IL21R: variants seen among roughly 807,000 people sequenced by gnomAD.
IL21R encodes the protein interleukin-21 receptor.
Under a neutral mutation model 41.3 loss-of-function variants are expected in IL21R, and 14 were observed. The ratio of observed to expected loss-of-function variants is 0.34; its 90% CI spans 0.22 to 0.53. The LOEUF is 0.53. Among genes scored for constraint, IL21R ranks in the 20% least tolerant of loss-of-function variants. The pLI, the probability that IL21R is intolerant of heterozygous loss-of-function variation, is 0.94. For missense variants in IL21R, 588 were observed against 681.6 expected (o/e 0.86, Z 1.53); for synonymous variants, 286 against 287.6 (o/e 0.99, Z 0.05).
chr16:27,424,289 G>T (rs1006302772), intron 1 of IL21R, among the ~76,000 whole-genome samples: 1 of 152,078 alleles, frequency 6.6e-6, no homozygotes, highest in Non-Finnish European at 1.5e-5. Flanking sequence ...GGCCAGGCTG[G>T]TCTCGAACTC....
At chr16:27,405,968 T>C (rs1230213823) in intron 1 of IL21R, among the ~76,000 whole-genome samples, 1 of 152,084 alleles carries the variant, frequency 6.6e-6, no homozygotes, top group Non-Finnish European at 1.5e-5. Context: ...CCCCGGGGAG[T>C]TGGGGCAAGT....
intron 2 of IL21R, among the ~76,000 whole-genome samples, chr16:27,433,062 T>C (rs1441972245): frequency 1.3e-5 from 2 of 152,126 alleles, no homozygotes; most frequent in African/African-American, 2.4e-5. Context: ...GCTCCGCATA[T>C]AGGTTCTGTC....
chr16:27,413,576 CT>C (rs35600189), intron 1 of IL21R, among the ~76,000 whole-genome samples: 8,408 of 140,008 alleles, frequency 0.06, 337 homozygotes, highest in African/African-American at 0.12. Flanking sequence ...TGGTCTTGGC[CT>C]TTTTTTTTTT....
chr16:27,431,690 A>T (rs1478039400), intron 2 of IL21R, among the ~76,000 whole-genome samples: 1 of 151,540 alleles, frequency 6.6e-6, no homozygotes, highest in Non-Finnish European at 1.5e-5. Flanking sequence ...TTGCTTTCTC[A>T]CACAGGCTGG....
At chr16:27,418,309 C>T (rs1174506209) in intron 1 of IL21R, among the ~76,000 whole-genome samples, 1 of 151,882 alleles carries the variant, frequency 6.6e-6, no homozygotes, top group Non-Finnish European at 1.5e-5. Context: ...ACCTTGTGAT[C>T]TGCCCGTCTC....
intron 1 of IL21R, among the ~76,000 whole-genome samples, chr16:27,403,780 C>T (rs1421677434): frequency 6.6e-6 from 1 of 152,190 alleles, no homozygotes; most frequent in Non-Finnish European, 1.5e-5. Flanking sequence ...GGGAGCGACA[C>T]ACTCAGGCTG....
chr16:27,442,117 G>A (rs564206739), intron 4 of IL21R, among the ~76,000 whole-genome samples: 26 of 152,304 alleles, frequency 1.7e-4, no homozygotes, highest in African/African-American at 5.3e-4. Flanking sequence ...TAGAAAGCAG[G>A]GTTTCAGATT....
chr16:27,407,474 CA>C (rs1158784080), intron 1 of IL21R, among the ~76,000 whole-genome samples: 4 of 152,108 alleles, frequency 2.6e-5, no homozygotes, highest in Admixed American at 6.5e-5. Flanking sequence ...GCATTCTAGG[CA>C]GAGGGAAAGG....
At chr16:27,416,642 A>G (rs969422308) in intron 1 of IL21R, among the ~76,000 whole-genome samples, 4 of 152,230 alleles carry the variant, frequency 2.6e-5, no homozygotes, top group African/African-American at 9.6e-5. Context: ...TCTGTATTTC[A>G]GATGTAATTC....
In IL21R at chr16:27,449,747, G is replaced by A. The variant is rs3093387; in HGVS notation, c.*464G>A. ...GGGCATTGCCTGTGACTGAGGCGGA[G>A]CCCAGCCCTCCAGCGTCTGCCTCCA... On this transcript the variant is annotated 3_prime_UTR_variant, in exon 9 of 9. Coordinates refer to ENST00000337929, the MANE Select transcript of IL21R (RefSeq NM_181078.3). The A allele has an allele frequency of 0.17, 40,009 of 241,522 alleles. 4,191 individuals carry two copies. The highest frequency in any genetic ancestry group is 0.24 in the Middle Eastern group (191 of 796). The allele number at this position is 241,522 out of a possible 1,614,324, so 15.0% of individuals were successfully genotyped here.
intron 1 of IL21R, among the ~76,000 whole-genome samples, chr16:27,426,622 C>T (rs745601462): frequency 2.8e-4 from 43 of 152,238 alleles, no homozygotes; most frequent in Admixed American, 6.5e-4. Context: ...GCAGGAAACC[C>T]GTGCACTGGT....
In IL21R at chr16:27,405,864, C is replaced by T. The variant is rs549559452; in HGVS notation, c.-17+3246C>T. 3.3e-5 allele frequency among the ~76,000 whole-genome samples: 5 copies of T among 152,378 alleles called. No homozygotes were observed. The East Asian group carries it at 5.8e-4, about 18-fold the overall frequency. ...GGGCAGGGGCCACAAGGAGGGCCCCCGACTGCCCAGGACATCTGCATCAGG... is the reference window on the plus strand; with the variant it reads ...GGGCAGGGGCCACAAGGAGGGCCCCTGACTGCCCAGGACATCTGCATCAGG... On this transcript the variant is annotated intron_variant, in intron 1 of 8. Transcript: ENST00000337929.
chr16:27,444,810 T>C (rs1233668638), intron 6 of IL21R, 91 bp downstream of exon 6: 2 of 1,201,230 alleles, frequency 1.7e-6, no homozygotes, highest in Non-Finnish European at 2.3e-6. Context: ...CTGGCACAGC[T>C]GGGAGGTATT....
At chr16:27,425,549 G>T (rs12164966) in intron 1 of IL21R, among the ~76,000 whole-genome samples, 53,430 of 150,068 alleles carry the variant, frequency 0.36, 9,831 homozygotes, top group East Asian at 0.53. Context: ...CTTTTTTTGT[G>T]TTTTGTTTTG....
At chr16:27,430,585 G>A (rs753688671) in intron 2 of IL21R, among the ~76,000 whole-genome samples, 2 of 152,212 alleles carry the variant, frequency 1.3e-5, no homozygotes, top group Non-Finnish European at 2.9e-5. Context: ...GGAGGCTGAG[G>A]AGGGTAGGTC....
At chr16:27,438,418 C>T (rs971091084) in intron 4 of IL21R, among the ~76,000 whole-genome samples, 1 of 152,096 alleles carries the variant, frequency 6.6e-6, no homozygotes, top group Non-Finnish European at 1.5e-5. Context: ...GCAGTTTTAT[C>T]TGTGAGTTCA....
rs186219819 is a variant in IL21R at position 27,433,880 on chromosome 16, C to T, written c.50-467C>T. On this transcript the variant is annotated intron_variant, in intron 2 of 8. Coordinates refer to ENST00000337929, the MANE Select transcript of IL21R (RefSeq NM_181078.3). ...TGTAGAGCCGAGTCCTCTTCCTTGT[C>T]AGGGTTTTGGGACATTTTCAGCATA... Among the ~76,000 whole-genome samples, 549 of 152,244 alleles carry T rather than the reference C, an allele frequency of 3.6e-3. 5 individuals carry two copies. Among genetic ancestry groups the T allele is most frequent in the Non-Finnish European group, 3.9e-3 (263 of 68,018 alleles).
chr16:27,405,065 C>T (rs2086720429), intron 1 of IL21R, among the ~76,000 whole-genome samples: 1 of 151,114 alleles, frequency 6.6e-6, no homozygotes, highest in African/African-American at 2.4e-5. Context: ...CAGAGTCTTG[C>T]TCTGTTGCCC....
At chr16:27,418,586 AGTC>A (rs1236402891) in intron 1 of IL21R, among the ~76,000 whole-genome samples, 1 of 150,786 alleles carries the variant, frequency 6.6e-6, no homozygotes, top group Non-Finnish European at 1.5e-5. Flanking sequence ...TAGCCAGGAT[AGTC>A]TTGATCACCT....
Sources: allele counts gnomAD v4.1 joint callset (sites outside exome capture counted in the v4.1 genomes callset), GRCh38; gene constraint gnomAD v4.1.1; transcripts MANE v1.5; gene names NCBI Gene and HGNC (gene_info 2026-07-23, HGNC 2026-07-21).